Variants in SCAPER observed in about 807,000 individuals in gnomAD.
The protein encoded by SCAPER is S phase cyclin A-associated protein in the endoplasmic reticulum.
Under a neutral mutation model 182.2 loss-of-function variants are expected in SCAPER, and 98 were observed. That is an observed-to-expected ratio of 0.54 (90% CI 0.46 to 0.64). The LOEUF (loss-of-function observed/expected upper bound fraction) is 0.64, where lower values mean the gene tolerates loss of function less well. Ranked by LOEUF, SCAPER falls within the 30% of genes least tolerant of loss-of-function variation. The pLI is 0.00. For missense variants in SCAPER, 1,432 were observed against 1,690.0 expected, an observed-to-expected ratio of 0.85 and a Z score of 2.68; for synonymous variants, 605 against 564.6, an observed-to-expected ratio of 1.07 and a Z score of -1.01.
intron 23 of SCAPER, among the ~76,000 whole-genome samples, chr15:76,515,543 T>C (rs1015280110): frequency 6.6e-6 from 1 of 152,152 alleles, no homozygotes; most frequent in Non-Finnish European, 1.5e-5. Context: ...CAAGAGCCAG[T>C]AACATGGACA....
chr15:76,505,058 T>A, intron 23 of SCAPER, 84 bp from the exon 24 acceptor site: 1 of 887,732 alleles, frequency 1.1e-6, no homozygotes, highest in Non-Finnish European at 1.8e-6. Context: ...TGAAACATAC[T>A]GATGGTTCAA....
chr15:76,840,717 C>A (rs2069390046), intron 5 of SCAPER, among the ~76,000 whole-genome samples: 1 of 152,130 alleles, frequency 6.6e-6, no homozygotes, highest in African/African-American at 2.4e-5. Flanking sequence ...TTTAATATTT[C>A]TGTAAACATG....
At chr15:76,892,578 C>T (rs567629214) in intron 1 of SCAPER, among the ~76,000 whole-genome samples, 229 of 152,292 alleles carry the variant, frequency 1.5e-3, no homozygotes, top group Middle Eastern at 0.01. Context: ...AAATGCTCAC[C>T]ATCACTGGCC....
intron 4 of SCAPER, 78 bp downstream of exon 4, chr15:76,857,731 A>G (rs1430181999): frequency 2.1e-6 from 2 of 963,992 alleles, no homozygotes; most frequent in African/African-American, 3.3e-5. Flanking sequence ...ATCCTGCAAA[A>G]TAAGATTTTC....
intron 27 of SCAPER, among the ~76,000 whole-genome samples, chr15:76,382,390 T>G (rs1021989065): frequency 4.6e-5 from 7 of 151,034 alleles, no homozygotes; most frequent in African/African-American, 1.7e-4. Context: ...ATTTTTCCCT[T>G]CTTTTCACAG....
intron 20 of SCAPER, among the ~76,000 whole-genome samples, chr15:76,694,898 T>G (rs990789398): frequency 2.0e-5 from 3 of 152,000 alleles, no homozygotes; most frequent in Non-Finnish European, 2.9e-5. Context: ...AAAAAAGCAA[T>G]TTTGCAATTT....
chr15:76,531,470 C>A (rs993734562), intron 23 of SCAPER, among the ~76,000 whole-genome samples: 1 of 152,100 alleles, frequency 6.6e-6, no homozygotes, highest in African/African-American at 2.4e-5. Flanking sequence ...AGATAGAATA[C>A]CAACTTGCTT....
chr15:76,491,289 T>G (rs769796483), intron 24 of SCAPER, among the ~76,000 whole-genome samples: 1 of 152,222 alleles, frequency 6.6e-6, no homozygotes, highest in Non-Finnish European at 1.5e-5. Flanking sequence ...TGCTGTTACA[T>G]TTATTGCTGA....
chr15:76,536,353 A>G (rs1220643564), intron 23 of SCAPER, among the ~76,000 whole-genome samples: 1 of 152,170 alleles, frequency 6.6e-6, no homozygotes, highest in African/African-American at 2.4e-5. Context: ...GTATTAAAAT[A>G]ATAAAAATTG....
chr15:76,702,094 C>T (rs1342206100), intron 19 of SCAPER, among the ~76,000 whole-genome samples: 3 of 151,842 alleles, frequency 2.0e-5, no homozygotes, highest in Non-Finnish European at 2.9e-5. Context: ...ACCTGGGAGG[C>T]GGAGGTTGCA....
intron 4 of SCAPER, among the ~76,000 whole-genome samples, chr15:76,849,656 C>T (rs925103346): frequency 3.3e-5 from 5 of 152,338 alleles, no homozygotes; most frequent in East Asian, 3.9e-4. Context: ...GGAAACCACA[C>T]GACCAAGGAA....
rs61118352 is a variant in SCAPER, at chr15:76,747,893, T to G, written c.1866+5915A>C. On this transcript the variant is annotated intron_variant, in intron 15 of 31. Transcript: ENST00000563290. ...TCTTTATAAATTACCCAGCCTCAAG[T>G]ATTCCTTTATAGCAACACAAATGGG... 3.6e-3 allele frequency among the ~76,000 whole-genome samples: 551 copies of G among 152,276 alleles called. 2 individuals carry two copies. Among genetic ancestry groups the G allele is most frequent in the African/African-American group, 0.013 (529 of 41,534 alleles).
chr15:76,648,697 A>T (rs1467290024), intron 21 of SCAPER, among the ~76,000 whole-genome samples: 1 of 152,232 alleles, frequency 6.6e-6, no homozygotes, highest in African/African-American at 2.4e-5. Flanking sequence ...AGCAGCCCCA[A>T]AATCATTTAC....
intron 23 of SCAPER, among the ~76,000 whole-genome samples, chr15:76,567,564 T>C (rs1159987286): frequency 6.6e-6 from 1 of 152,216 alleles, no homozygotes; most frequent in Admixed American, 6.5e-5. Flanking sequence ...CTAATTTTTG[T>C]CATTCTGATA....
chr15:76,713,566 G>A lies in SCAPER; in HGVS notation c.2166-7582C>T, dbSNP rs149653889. 8.9e-3 allele frequency among the ~76,000 whole-genome samples: 1,359 copies of A among 152,064 alleles called. 22 individuals are homozygous for A. Among genetic ancestry groups the A allele is most frequent in the African/African-American group, 0.032 (1,319 of 41,434 alleles). ...ACACCGCATGTTCTTACTCATAGGT[G>A]GGAAATGAACAATGAGAACACATGG... On this transcript the variant is annotated intron_variant, in intron 17 of 31. Transcript: ENST00000563290.
rs1326155305 is a variant in SCAPER, at chr15:76,735,616, C to T, written c.1867-2232G>A. ...ACTTTGGAGGCTGAGGCAGGAGAATCGCTTGAACATGGGAGATGGAGGTTG... is the reference window on the plus strand; with the variant it reads ...ACTTTGGAGGCTGAGGCAGGAGAATTGCTTGAACATGGGAGATGGAGGTTG... On this transcript the variant is annotated intron_variant, in intron 15 of 31. Coordinates refer to ENST00000563290, the MANE Select transcript of SCAPER (RefSeq NM_020843.4). Among the ~76,000 whole-genome samples the T allele has an allele frequency of 5.4e-5, 8 of 148,982 alleles. No homozygotes were observed. The South Asian group carries it at 1.3e-3, about 24-fold the overall frequency.
intron 20 of SCAPER, among the ~76,000 whole-genome samples, chr15:76,674,667 A>C (rs2057256161): frequency 6.6e-6 from 1 of 152,298 alleles, no homozygotes; most frequent in African/African-American, 2.4e-5. Context: ...CCCTGAAAAA[A>C]TATGTCACAT....
chr15:76,652,672 T>C (rs889627193), intron 21 of SCAPER, among the ~76,000 whole-genome samples: 4 of 150,472 alleles, frequency 2.7e-5, no homozygotes, highest in East Asian at 2.0e-4. Flanking sequence ...GATCGTACCA[T>C]TGCACTCCAG....
chr15:76,713,646 G>A (rs1480377056), intron 17 of SCAPER, among the ~76,000 whole-genome samples: 1 of 151,922 alleles, frequency 6.6e-6, no homozygotes, highest in Non-Finnish European at 1.5e-5. Context: ...GGGGGAGAGG[G>A]GAGGGATAGC....
Sources: allele counts gnomAD v4.1 joint callset (sites outside exome capture counted in the v4.1 genomes callset), GRCh38; gene constraint gnomAD v4.1.1; transcripts MANE v1.5; gene names NCBI Gene and HGNC (gene_info 2026-07-23, HGNC 2026-07-21).